The following TPD52L1 variants were observed in gnomAD, a reference collection of about 807,000 sequenced individuals.
The protein encoded by TPD52L1 is TPD52 like 1, also known as tumor protein D53.
A neutral mutation model predicts 28.7 loss-of-function variants in TPD52L1; 18 were observed. The observed-to-expected ratio is 0.63, with a 90% confidence interval of 0.43 to 0.93. The LOEUF is 0.93. TPD52L1 is among the 40% of genes least tolerant of loss of function. TPD52L1 has a pLI of 0.00. For synonymous variants in TPD52L1, 75 were observed against 88.8 expected, an observed-to-expected ratio of 0.84 and a Z score of 0.88; for missense variants, 203 against 254.8, an observed-to-expected ratio of 0.80 and a Z score of 1.39.
rs1798195762 is a variant in TPD52L1, at chr6:125,264,006, C to A, written c.*1044C>A. ...CAATCTACATACAGTAGTAGTTAGT[C>A]AGATAAAGGATATCCAAAAAAGAGA... On this transcript the variant is annotated 3_prime_UTR_variant, in exon 7 of 7. Coordinates refer to ENST00000534000, the MANE Select transcript of TPD52L1 (RefSeq NM_003287.4). The A allele has an allele frequency of 6.6e-6, 1 of 152,102 alleles. No homozygotes were observed. Among genetic ancestry groups the A allele is most frequent in the Non-Finnish European group, 1.5e-5 (1 of 68,020 alleles). The allele number at this position is 152,102 out of a possible 1,614,324, so 9.4% of individuals were successfully genotyped here.
intron 4 of TPD52L1, among the ~76,000 whole-genome samples, chr6:125,251,467 C>A (rs1374343138): frequency 6.6e-6 from 1 of 151,896 alleles, no homozygotes; most frequent in African/African-American, 2.4e-5. Flanking sequence ...GAAAAAAAAG[C>A]TTTATGTTAA....
intron 1 of TPD52L1, 66 bp downstream of exon 1, chr6:125,154,036 C>A: frequency 6.4e-7 from 1 of 1,555,632 alleles, no homozygotes; most frequent in Non-Finnish European, 8.7e-7. Flanking sequence ...TTTTCCTGCA[C>A]CACCTAACTT....
In TPD52L1 at chr6:125,165,092, A is replaced by ATATATATATATATATATATATTTATT; in HGVS notation, c.19+11129_19+11130insATATATATATATATTTATTTATATAT. ...CCTGTCTCTTAAAAAAAAGATATAT[A>ATATATATATATATATATATATTTATT]TATATATTTTAACTGTATATATATA... On this transcript the variant is annotated intron_variant, in intron 1 of 6. Coordinates refer to ENST00000534000, the MANE Select transcript of TPD52L1 (RefSeq NM_003287.4). Among the ~76,000 whole-genome samples the ATATATATATATATATATATATTTATT allele has an allele frequency of 5.2e-3, 543 of 104,154 alleles. 26 individuals are homozygous for ATATATATATATATATATATATTTATT. The highest frequency in any genetic ancestry group is 0.014 in the Middle Eastern group (3 of 208). 68.3% of individuals were successfully genotyped at this position (104,154 alleles called of 152,430 possible).
At chr6:125,245,009 C>T (rs958354331) in intron 3 of TPD52L1, among the ~76,000 whole-genome samples, 1 of 152,178 alleles carries the variant, frequency 6.6e-6, no homozygotes, top group Non-Finnish European at 1.5e-5. Context: ...GTCTAACCAC[C>T]CAGCAGGACT....
chr6:125,249,094 T>A (rs1383027481), intron 4 of TPD52L1, among the ~76,000 whole-genome samples: 1 of 151,270 alleles, frequency 6.6e-6, no homozygotes. Context: ...AAAAAAAAAA[T>A]GTAGTATTGC....
intron 5 of TPD52L1, 76 bp downstream of exon 5, chr6:125,253,831 TG>T: frequency 1.5e-6 from 2 of 1,347,190 alleles, no homozygotes; most frequent in Non-Finnish European, 2.1e-6. Context: ...TATTTACTTA[TG>T]GGGTTCCTCT....
At chr6:125,158,535 G>A (rs1270520774) in intron 1 of TPD52L1, among the ~76,000 whole-genome samples, 1 of 150,776 alleles carries the variant, frequency 6.6e-6, no homozygotes, top group Non-Finnish European at 1.5e-5. Context: ...AATGCAACAA[G>A]ATAATGTAAA....
chr6:125,163,029 T>C lies in TPD52L1; in HGVS notation c.19+9059T>C, dbSNP rs13211060. ...TGAGCTTAACTACTATACTGCACTGTGCCTTAATGTGTGCTGTGCCACACG... is the reference window on the plus strand; with the variant it reads ...TGAGCTTAACTACTATACTGCACTGCGCCTTAATGTGTGCTGTGCCACACG... On this transcript the variant is annotated intron_variant, in intron 1 of 6. Transcript: ENST00000534000. Among the ~76,000 whole-genome samples the C allele has an allele frequency of 2.1e-4, 32 of 152,314 alleles. 1 individual carries two copies. The highest frequency in any genetic ancestry group is 7.2e-4 in the African/African-American group (30 of 41,566).
At chr6:125,207,380 C>G (rs2114919511) in intron 1 of TPD52L1, among the ~76,000 whole-genome samples, 1 of 152,334 alleles carries the variant, frequency 6.6e-6, no homozygotes, top group African/African-American at 2.4e-5. Flanking sequence ...ATTTAACTTT[C>G]TGAACCATCA....
At chr6:125,208,785 T>C (rs751767782) in intron 1 of TPD52L1, 7 of 305,910 alleles carry the variant, frequency 2.3e-5, no homozygotes, top group Non-Finnish European at 2.9e-5. Flanking sequence ...GGAGAAAAAG[T>C]AGCAAATGCC....
At chr6:125,203,576 A>T (rs1793930246) in intron 1 of TPD52L1, 1 of 956,394 alleles carries the variant, frequency 1.0e-6, no homozygotes, top group Non-Finnish European at 1.2e-6. Context: ...TTGAAAGTAG[A>T]GCTGTTGTTT....
At chr6:125,261,038 AAGAAAGAAAGAAAAGGGG>A (rs1798021649) in intron 6 of TPD52L1, 4 of 136,998 alleles carry the variant, frequency 2.9e-5, no homozygotes, top group African/African-American at 1.2e-4. Context: ...GAAAGAAAGA[AAGAAAGAAAGAAAAGGGG>A]AAGGGGAAGG....
chr6:125,170,868 G>A (rs1791255808), intron 1 of TPD52L1, among the ~76,000 whole-genome samples: 1 of 151,736 alleles, frequency 6.6e-6, no homozygotes, highest in South Asian at 2.1e-4. Context: ...TATAACCTGT[G>A]CCTCCTCTTC....
chr6:125,210,791 C>G (rs1794441677), intron 1 of TPD52L1, among the ~76,000 whole-genome samples: 1 of 152,192 alleles, frequency 6.6e-6, no homozygotes, highest in Non-Finnish European at 1.5e-5. Context: ...TTTTACAAAA[C>G]TGTAATCTCT....
At chr6:125,232,603 A>T (rs1016946075) in intron 3 of TPD52L1, among the ~76,000 whole-genome samples, 1 of 152,198 alleles carries the variant, frequency 6.6e-6, no homozygotes, top group Non-Finnish European at 1.5e-5. Context: ...AATACTTTGC[A>T]TACTGATTAA....
At chr6:125,204,976 T>C (rs1165705424) in intron 1 of TPD52L1, among the ~76,000 whole-genome samples, 1 of 152,206 alleles carries the variant, frequency 6.6e-6, no homozygotes, top group Non-Finnish European at 1.5e-5. Flanking sequence ...AGTGCTTCAA[T>C]ATTAAGTCAC....
At chr6:125,155,530 T>C (rs1790062000) in intron 1 of TPD52L1, among the ~76,000 whole-genome samples, 1 of 152,238 alleles carries the variant, frequency 6.6e-6, no homozygotes, top group Non-Finnish European at 1.5e-5. Context: ...ACTTAACAAA[T>C]ATTTCAGTGC....
intron 1 of TPD52L1, chr6:125,203,857 T>G: frequency 1.2e-5 from 11 of 898,782 alleles, no homozygotes; most frequent in Non-Finnish European, 1.5e-5. Flanking sequence ...CTTGACCTAC[T>G]TCTAAAACAG....
At chr6:125,230,309 T>C (rs1795875003) in intron 3 of TPD52L1, among the ~76,000 whole-genome samples, 1 of 152,174 alleles carries the variant, frequency 6.6e-6, no homozygotes, top group Non-Finnish European at 1.5e-5. Flanking sequence ...ATATGTGATG[T>C]GATTTTTCTT....
Sources: gnomAD v4.1 joint callset for allele counts (sites outside exome capture counted in the v4.1 genomes callset) on GRCh38, gnomAD v4.1.1 for gene constraint, MANE v1.5 for transcripts, NCBI Gene and HGNC (gene_info 2026-07-23, HGNC 2026-07-21) for gene names.